Variants in CORO1A observed in about 807,000 individuals in gnomAD.
The protein encoded by CORO1A is coronin-1A.
CORO1A carries 17 observed loss-of-function variants against 44.1 expected under a neutral mutation model. The ratio of observed to expected loss-of-function variants is 0.39; its 90% CI spans 0.26 to 0.58. CORO1A has a LOEUF of 0.58. Among genes scored for constraint, CORO1A ranks in the 20% least tolerant of loss-of-function variants. The pLI, the probability that CORO1A is intolerant of heterozygous loss-of-function variation, is 0.62. For missense variants in CORO1A, 415 were observed against 606.5 expected, an observed-to-expected ratio of 0.68 and a Z score of 3.32; for synonymous variants, 271 against 244.2, an observed-to-expected ratio of 1.11 and a Z score of -1.02.
chr16:30,186,760 C>G (rs1468217051), intron 3 of CORO1A, 40 bp downstream of exon 3: 1 of 1,609,392 alleles, frequency 6.2e-7, no homozygotes, highest in African/African-American at 1.3e-5. Context: ...GAGAGGGGCT[C>G]TAGGATGGGA....
chr16:30,185,426 G>T lies in CORO1A; in HGVS notation c.198+19G>T, dbSNP rs747443140. 3.7e-6 allele frequency: 6 copies of T among 1,606,460 alleles called. No homozygotes were observed. In the South Asian group the frequency reaches 4.4e-5, roughly 12 times the overall value. On this transcript the variant is annotated intron_variant, in intron 2 of 10. Coordinates refer to ENST00000219150, the MANE Select transcript of CORO1A (RefSeq NM_007074.4). The stretch of plus-strand genomic sequence containing the variant: ...GGGCAAGGTGAGCCCCTGGGGCCCT[G>T]GGGGGAGCAGCTCCTCCACCGGACC...
chr16:30,185,107 A>C, intron 1 of CORO1A, 102 bp from the exon 2 acceptor site: 1 of 1,137,926 alleles, frequency 8.8e-7, no homozygotes, highest in Non-Finnish European at 1.3e-6. Flanking sequence ...TGATGCTGGG[A>C]CCTTAAAAGC....
chr16:30,185,770 TGGCTCTGG>T (rs1024469173), intron 2 of CORO1A: 3 of 327,748 alleles, frequency 9.2e-6, no homozygotes, highest in African/African-American at 6.3e-5. Flanking sequence ...GGAGGGACTC[TGGCTCTGG>T]GCCTGTCTGA....
At chr16:30,187,676 A>G (rs1244106386) in intron 6 of CORO1A, 49 bp from the exon 7 acceptor site, 1 of 1,492,842 alleles carries the variant, frequency 6.7e-7, no homozygotes, top group African/African-American at 1.4e-5. Context: ...TGCCCAGGGA[A>G]GACCACCATC....
chr16:30,187,917 C>T, intron 7 of CORO1A, 25 bp from the exon 8 acceptor site: 2 of 1,612,292 alleles, frequency 1.2e-6, no homozygotes, highest in South Asian at 1.1e-5. Flanking sequence ...GGTATTGACC[C>T]TCCCTCCACA....
Position 30,184,674 on chromosome 16 carries a change from C to T in CORO1A, c.-1-535C>T. 5.2e-6 allele frequency: 1 copy of T among 193,190 alleles called. No individual in the cohort carries two copies. Among genetic ancestry groups the T allele is most frequent in the South Asian group, 8.0e-5 (1 of 12,476 alleles). 12.0% of individuals were successfully genotyped at this position (193,190 alleles called of 1,614,324 possible). A position where few individuals can be genotyped will look rare whatever the true frequency, so the allele number is the denominator to read the frequency against. ...GAGACCTGCTGGGGAAGCTATCCTG[C>T]CGCCTCACTCCCCTCAGGCAGCCCC... On this transcript the variant is annotated intron_variant, in intron 1 of 10. Transcript: ENST00000219150. This position sits in a 1 kb window ranked among gnomAD's most constrained non-coding sequence, Gnocchi z 4.3.
chr16:30,186,765 A>G (rs1392259195), intron 3 of CORO1A, 45 bp downstream of exon 3: 2 of 1,609,246 alleles, frequency 1.2e-6, no homozygotes, highest in Admixed American at 1.7e-5. Context: ...GGGCTCTAGG[A>G]TGGGATCTGA....
chr16:30,185,086 G>A, intron 1 of CORO1A, 123 bp from the exon 2 acceptor site: 2 of 899,196 alleles, frequency 2.2e-6, no homozygotes, highest in Non-Finnish European at 3.6e-6. Context: ...AGAATAGGGA[G>A]CCCCTGGAGA....
At chr16:30,185,082 G>A in intron 1 of CORO1A, 127 bp from the exon 2 acceptor site, 1 of 884,114 alleles carries the variant, frequency 1.1e-6, no homozygotes, top group Admixed American at 2.0e-5. Flanking sequence ...GGGAAGAATA[G>A]GGAGCCCCTG....
At chr16:30,188,171 C>T (rs1469579921) in intron 8 of CORO1A, 21 bp from the exon 9 acceptor site, 2 of 1,614,028 alleles carry the variant, frequency 1.2e-6, no homozygotes, top group South Asian at 2.2e-5. Flanking sequence ...GTGGGCCCCG[C>T]TCACCTTCCC....
intron 7 of CORO1A, 35 bp from the exon 8 acceptor site, chr16:30,187,907 G>A: frequency 6.2e-7 from 1 of 1,613,316 alleles, no homozygotes; most frequent in Middle Eastern, 1.6e-4. Context: ...GGCATCCGCT[G>A]GTATTGACCC....
intron 10 of CORO1A, 24 bp from the exon 11 acceptor site, chr16:30,188,836 C>G: frequency 2.3e-6 from 1 of 438,738 alleles, no homozygotes; most frequent in Non-Finnish European, 3.9e-6. Context: ...AGGAGCTGGG[C>G]CTAATGCAGC....
rs1046484053 is a variant in CORO1A, at chr16:30,187,707, T to C, written c.757-18T>C. ...CCATCCCAGGGCCTGGGATGTTACC[T>C]CTCACCTGTGTCTACAGAAGCACCT... On this transcript the variant is annotated intron_variant, in intron 6 of 10. Coordinates refer to ENST00000219150, the MANE Select transcript of CORO1A (RefSeq NM_007074.4). 54 of 1,588,992 alleles carry C rather than the reference T, an allele frequency of 3.4e-5. 1 individual carries two copies. The highest frequency in any genetic ancestry group is 7.7e-5 in the South Asian group (7 of 90,600).
At chr16:30,188,339 CT>C in intron 9 of CORO1A, 21 bp from the exon 10 acceptor site, 8 of 1,613,400 alleles carry the variant, frequency 5.0e-6, no homozygotes, top group Non-Finnish European at 6.8e-6. Flanking sequence ...GCTTTCCTCA[CT>C]ATCCCTGGCC....
intron 5 of CORO1A, 32 bp from the exon 6 acceptor site, chr16:30,187,350 G>A (rs770344934): frequency 2.5e-6 from 4 of 1,608,424 alleles, no homozygotes; most frequent in Non-Finnish European, 3.4e-6. Flanking sequence ...GTATGTACGG[G>A]TGCCTGACCT....
chr16:30,187,555 G>A (rs2073355988), intron 6 of CORO1A, 54 bp downstream of exon 6: 3 of 1,573,738 alleles, frequency 1.9e-6, no homozygotes, highest in Middle Eastern at 1.7e-4. Flanking sequence ...CAAGACTGGA[G>A]GTTTCGTCCC....
intron 7 of CORO1A, 36 bp downstream of exon 7, chr16:30,187,865 G>GGGGGGGGGGGGGGGGGGGCGGGGGGGGC: frequency 1.9e-6 from 1 of 513,368 alleles, no homozygotes; most frequent in East Asian, 5.8e-5. Flanking sequence ...TGGGAGGTGG[G>GGGGGGGGGGGGGGGGGGGCGGGGGGGGC]CAGGATGGGC....
chr16:30,187,583 G>C, intron 6 of CORO1A, 82 bp downstream of exon 6: 1 of 1,546,018 alleles, frequency 6.5e-7, no homozygotes, highest in Non-Finnish European at 8.7e-7. Context: ...CCACTCACCT[G>C]GCAGGATGGC....
At position 30,188,244 on chromosome 16, in the gene CORO1A, C is replaced by T; in HGVS notation, c.1060C>T (p.Arg354Ter). ...TGAGCCCATTGCCATGACAGTGCCT[C>T]GAAAGGTGATGCTCCCCCGCCCCAC... ...RCEPIAMTVPRKSDLFQEDLY... is the reference protein window; with the variant it reads ...RCEPIAMTVP Residue 354 changes from arginine to a stop codon, truncating the protein, a stop_gained, in exon 9 of 11, where the codon CGA becomes TGA. Transcript: ENST00000219150. LOFTEE classifies it high-confidence loss of function. The T allele has an allele frequency of 2.5e-6, 4 of 1,614,010 alleles. No individual in the cohort carries two copies. The highest frequency in any genetic ancestry group is 3.4e-6 in the Non-Finnish European group (4 of 1,179,960).
Sources: gnomAD v4.1 joint callset for allele counts on GRCh38, gnomAD v4.1.1 for gene constraint, Gnocchi (gnomAD v3.1) non-coding constraint, MANE v1.5 for transcripts, NCBI Gene and HGNC (gene_info 2026-07-23, HGNC 2026-07-21) for gene names.